Variants in PARD3B observed in about 807,000 individuals in gnomAD.
PARD3B encodes the protein partitioning defective 3 homolog B.
Under a neutral mutation model 130.2 loss-of-function variants are expected in PARD3B, and 103 were observed. The observed-to-expected ratio is 0.79, with a 90% CI of 0.67 to 0.93. The LOEUF (loss-of-function observed/expected upper bound fraction) is 0.93. PARD3B is among the 40% of genes least tolerant of loss of function. The pLI is 0.00. For synonymous variants in PARD3B, 583 were observed against 553.2 expected, an observed-to-expected ratio of 1.05 and a Z score of -0.76; for missense variants, 1,609 against 1,499.2, an observed-to-expected ratio of 1.07 and a Z score of -1.21.
In PARD3B at chr2:205,590,475, G is replaced by A. The variant is rs1379868452; in HGVS notation, c.3261-24981G>A. Among the ~76,000 whole-genome samples the A allele has an allele frequency of 6.6e-6, 1 of 152,142 alleles. No individual in the cohort carries two copies. The highest frequency in any genetic ancestry group is 1.5e-5 in the Non-Finnish European group (1 of 68,038). ...ATCATCTCAGGTTGCTTTTATCGCGGTATGTTTTTAACCATACACAATCAC... is the reference window on the plus strand; with the variant it reads ...ATCATCTCAGGTTGCTTTTATCGCGATATGTTTTTAACCATACACAATCAC... On this transcript the variant is annotated intron_variant, in intron 22 of 22. Transcript: ENST00000406610. The surrounding 1 kb of genome is among the most constrained non-coding windows in gnomAD (Gnocchi z 4.1).
At chr2:204,570,236 C>A (rs1168300067) in intron 1 of PARD3B, among the ~76,000 whole-genome samples, 1 of 152,156 alleles carries the variant, frequency 6.6e-6, no homozygotes, top group African/African-American at 2.4e-5. Context: ...AGTCTTGCTT[C>A]CAGTGAGTGT....
At chr2:205,073,269 C>G (rs1700849966) in intron 4 of PARD3B, among the ~76,000 whole-genome samples, 1 of 152,058 alleles carries the variant, frequency 6.6e-6, no homozygotes, top group Non-Finnish European at 1.5e-5. Context: ...TCCTGTAAAT[C>G]AGGGTGTGTT....
chr2:205,122,015 G>A lies in PARD3B; in HGVS notation c.1165+66G>A. The A allele has an allele frequency of 7.6e-7, 1 of 1,319,020 alleles. No homozygotes were observed. The highest frequency in any genetic ancestry group is 1.0e-6 in the Non-Finnish European group (1 of 962,924). The allele number at this position is 1,319,020 out of a possible 1,614,324, so 81.7% of individuals were successfully genotyped here. On this transcript the variant is annotated intron_variant, in intron 8 of 22. Coordinates refer to ENST00000406610, the MANE Select transcript of PARD3B (RefSeq NM_001302769.2). The surrounding 1 kb of genome is among the most constrained non-coding windows in gnomAD (Gnocchi z 4.3). ...ACATGTAAAATTGGTTAAGAGAAAT[G>A]CATTAAGGCTAATTTAGTTAATTCT... is the stretch of plus-strand genomic sequence containing the variant.
intron 2 of PARD3B, among the ~76,000 whole-genome samples, chr2:204,821,713 T>A (rs551994302): frequency 1.3e-5 from 2 of 151,382 alleles, no homozygotes; most frequent in South Asian, 2.1e-4. Flanking sequence ...ATAAAAAAAA[T>A]TAAAAAAAAA....
At chr2:205,237,426 A>AT (rs2039118332) in intron 15 of PARD3B, among the ~76,000 whole-genome samples, 1 of 152,008 alleles carries the variant, frequency 6.6e-6, no homozygotes, top group Non-Finnish European at 1.5e-5. Flanking sequence ...ACATATTGGT[A>AT]TTTTTTCATG....
intron 4 of PARD3B, among the ~76,000 whole-genome samples, chr2:205,094,394 T>G (rs370744565): frequency 4.3e-4 from 65 of 152,144 alleles, no homozygotes; most frequent in Admixed American, 2.0e-4. Context: ...AAAAAAGACC[T>G]TTTCAAGAAG....
chr2:205,060,941 G>A (rs1700030046), intron 4 of PARD3B, among the ~76,000 whole-genome samples: 1 of 152,048 alleles, frequency 6.6e-6, no homozygotes, highest in African/African-American at 2.4e-5. Flanking sequence ...GGCAATTTGA[G>A]TTGAAAAACA....
chr2:204,896,202 T>G (rs1217876235), intron 2 of PARD3B, among the ~76,000 whole-genome samples: 1 of 152,106 alleles, frequency 6.6e-6, no homozygotes, highest in Non-Finnish European at 1.5e-5. Flanking sequence ...AATTAACAAA[T>G]GAGATAACTA....
intron 3 of PARD3B, among the ~76,000 whole-genome samples, chr2:205,026,773 A>G (rs1284457071): frequency 2.0e-5 from 3 of 151,938 alleles, no homozygotes; most frequent in African/African-American, 4.8e-5. Flanking sequence ...TTGAGATGAG[A>G]TACTCTTTGT....
At chr2:205,492,628 A>C (rs960701477) in intron 20 of PARD3B, among the ~76,000 whole-genome samples, 11 of 152,128 alleles carry the variant, frequency 7.2e-5, no homozygotes, top group African/African-American at 2.4e-4. Context: ...AACAGTGAAA[A>C]ATCTTATTTG....
At chr2:205,504,094 C>T (rs116753645) in intron 21 of PARD3B, among the ~76,000 whole-genome samples, 11,990 of 152,148 alleles carry the variant, frequency 0.079, 486 homozygotes, top group African/African-American at 0.098. Flanking sequence ...TGCCACATAT[C>T]TACAACCATC....
Position 205,446,340 on chromosome 2 carries a change from A to T in PARD3B, c.3044+5668A>T, listed in dbSNP as rs148115623. ...AACTCACTGAGGGTTTTAACGTGAG[A>T]TATAATCCTGGAATTCAATAGGCTG... is the stretch of plus-strand genomic sequence containing the variant. On this transcript the variant is annotated intron_variant, in intron 20 of 22. Coordinates refer to ENST00000406610, the MANE Select transcript of PARD3B (RefSeq NM_001302769.2). The surrounding 1 kb of genome is among the most constrained non-coding windows in gnomAD (Gnocchi z 4.4). Among the ~76,000 whole-genome samples, 1,184 of 152,260 alleles carry T rather than the reference A, an allele frequency of 7.8e-3. 8 individuals carry two copies. Among genetic ancestry groups the T allele is most frequent in the Middle Eastern group, 0.014 (4 of 294 alleles).
chr2:205,132,527 T>C (rs1228879613), intron 10 of PARD3B, among the ~76,000 whole-genome samples: 1 of 152,180 alleles, frequency 6.6e-6, no homozygotes, highest in Non-Finnish European at 1.5e-5. Context: ...ATAGGTCATT[T>C]GCTTGGGCAA....
At chr2:205,192,694 C>T (rs1036889355) in intron 14 of PARD3B, among the ~76,000 whole-genome samples, 6 of 152,278 alleles carry the variant, frequency 3.9e-5, no homozygotes, top group Admixed American at 3.9e-4. Flanking sequence ...TTAGTGTTAA[C>T]ATTAGTTTTA....
In PARD3B at chr2:204,706,479, T is replaced by C. The variant is rs13405210; in HGVS notation, c.222+20197T>C. Among the ~76,000 whole-genome samples, 656 of 152,190 alleles carry C rather than the reference T, an allele frequency of 4.3e-3. 6 individuals are homozygous for C. The highest frequency in any genetic ancestry group is 0.015 in the African/African-American group (620 of 41,544). ...AAGTCAAAATGCCAGTGACAACTGA[T>C]AGAAGAAGACTCCAGAAAATTGGAT... On this transcript the variant is annotated intron_variant, in intron 2 of 22. Coordinates refer to ENST00000406610, the MANE Select transcript of PARD3B (RefSeq NM_001302769.2).
chr2:205,358,261 CTT>C (rs1488575406), intron 18 of PARD3B, among the ~76,000 whole-genome samples: 4 of 152,182 alleles, frequency 2.6e-5, no homozygotes, highest in African/African-American at 7.2e-5. Context: ...TTCTGCATCT[CTT>C]ATGTCTTCTA....
At chr2:204,578,959 G>A (rs1335212534) in intron 1 of PARD3B, among the ~76,000 whole-genome samples, 1 of 152,036 alleles carries the variant, frequency 6.6e-6, no homozygotes, top group African/African-American at 2.4e-5. Flanking sequence ...TTCCTCCTGT[G>A]TACTGAGGGG....
intron 18 of PARD3B, among the ~76,000 whole-genome samples, chr2:205,393,187 A>G (rs1204852461): frequency 6.6e-6 from 1 of 152,242 alleles, no homozygotes; most frequent in African/African-American, 2.4e-5. Flanking sequence ...TTTAGAATAC[A>G]TCTGACAAGA....
At chr2:205,275,837 CAAAAAAAAAA>C (rs59238795) in intron 16 of PARD3B, among the ~76,000 whole-genome samples, 13 of 60,656 alleles carry the variant, frequency 2.1e-4, no homozygotes, top group Non-Finnish European at 3.1e-4. Context: ...AACTTTGTCT[CAAAAAAAAAA>C]AAAAAAAAAA....
Sources: gnomAD v4.1 joint callset for allele counts (sites outside exome capture counted in the v4.1 genomes callset) on GRCh38, gnomAD v4.1.1 for gene constraint, Gnocchi (gnomAD v3.1) non-coding constraint, MANE v1.5 for transcripts, NCBI Gene and HGNC (gene_info 2026-07-23, HGNC 2026-07-21) for gene names.